Variants in SLC17A1 observed in about 807,000 individuals in gnomAD.
SLC17A1 encodes sodium-dependent phosphate transport protein 1.
In SLC17A1, 51 loss-of-function variants were observed where a neutral mutation model predicts 53.5. That is an observed-to-expected ratio of 0.95 (90% CI 0.76 to 1.20). The LOEUF (loss-of-function observed/expected upper bound fraction) is 1.20, where lower values mean the gene tolerates loss of function less well. Ranked by LOEUF, SLC17A1 falls within the 50% of genes most tolerant of loss-of-function variation. SLC17A1 has a pLI of 0.00. For synonymous variants in SLC17A1, 179 were observed against 198.8 expected, an observed-to-expected ratio of 0.90 and a Z score of 0.84; for missense variants, 538 against 568.2, an observed-to-expected ratio of 0.95 and a Z score of 0.54.
downstream of SLC17A1, chr6:25,778,926 C>T: frequency 3.3e-6 from 4 of 1,203,406 alleles, no homozygotes; most frequent in Admixed American, 8.3e-5. Flanking sequence ...CTAGGACCAA[C>T]TGGGAAGCCC....
the SLC17A1 span, chr6:25,726,855 T>G: frequency 1.9e-6 from 3 of 1,555,442 alleles, no homozygotes; most frequent in African/African-American, 2.7e-5. Flanking sequence ...CACTGGAAAG[T>G]GCTGTGTAAC....
At chr6:25,727,201 C>T in the SLC17A1 span, 5 of 1,614,178 alleles carry the variant, frequency 3.1e-6, no homozygotes, top group Non-Finnish European at 4.2e-6. Flanking sequence ...GAGATTCAGA[C>T]AGCAGTGCGC....
At chr6:25,786,596 A>T (rs1019732616) in intron 12 of SLC17A1, among the ~76,000 whole-genome samples, 2 of 151,984 alleles carry the variant, frequency 1.3e-5, no homozygotes, top group Non-Finnish European at 2.9e-5. Context: ...TGCCAAGGAG[A>T]TGGGCAGCTG....
Position 25,794,457 on chromosome 6 carries a change from A to G in SLC17A1, c.*2+4326T>C, listed in dbSNP as rs532916436. 3.4e-4 allele frequency among the ~76,000 whole-genome samples: 52 copies of G among 152,338 alleles called. No individual in the cohort carries two copies. The South Asian group carries it at 0.011, about 31-fold the overall frequency. ...TGGTTCATTACACAAGAGATTGAGA[A>G]GCCCCACTGTAAAGGAACTACCACA... is the stretch of plus-strand genomic sequence containing the variant. On this transcript the variant is annotated intron_variant, in intron 12 of 12. Coordinates refer to ENST00000244527, the MANE Select transcript of SLC17A1 (RefSeq NM_005074.5).
the SLC17A1 span, among the ~76,000 whole-genome samples, chr6:25,762,702 A>G: frequency 6.6e-6 from 1 of 152,214 alleles, no homozygotes; most frequent in Non-Finnish European, 1.5e-5. Context: ...GTTAAGAATT[A>G]TGCATATCTT....
chr6:25,751,920 C>T, the SLC17A1 span, among the ~76,000 whole-genome samples: 1 of 151,998 alleles, frequency 6.6e-6, no homozygotes, highest in Non-Finnish European at 1.5e-5. Flanking sequence ...AATGTGTAGG[C>T]CCCATTTGTT....
chr6:25,732,491 C>T, the SLC17A1 span: 1 of 386,842 alleles, frequency 2.6e-6, no homozygotes, highest in East Asian at 6.1e-5. Flanking sequence ...GCTATTCATT[C>T]AGAGAGGTTC....
chr6:25,820,674 A>T (rs1048445966), intron 3 of SLC17A1, among the ~76,000 whole-genome samples: 6 of 151,934 alleles, frequency 3.9e-5, no homozygotes, highest in Admixed American at 1.3e-4. Flanking sequence ...AGGTCAGGAG[A>T]TCGAGACCAT....
At chr6:25,735,790 A>G in the SLC17A1 span, among the ~76,000 whole-genome samples, 5,752 of 152,260 alleles carry the variant, frequency 0.038, 138 homozygotes, top group Middle Eastern at 0.075. Flanking sequence ...TGCTCTTCAG[A>G]ACAAGATTGG....
chr6:25,779,020 T>C, downstream of SLC17A1: 1 of 1,611,126 alleles, frequency 6.2e-7, no homozygotes, highest in Non-Finnish European at 8.5e-7. Flanking sequence ...AGGAATTGGG[T>C]GACCGTTAAT....
At chr6:25,766,445 T>C in the SLC17A1 span, among the ~76,000 whole-genome samples, 2,483 of 152,286 alleles carry the variant, frequency 0.016, 39 homozygotes, top group Middle Eastern at 0.037. Flanking sequence ...GCTCCTTAAG[T>C]GTGACTGGTG....
the SLC17A1 span, among the ~76,000 whole-genome samples, chr6:25,750,436 A>G: frequency 6.6e-6 from 1 of 152,222 alleles, no homozygotes. Context: ...AAAACTGTAG[A>G]CTTACTGAGT....
chr6:25,732,404 A>T, the SLC17A1 span: 1 of 270,916 alleles, frequency 3.7e-6, no homozygotes, highest in East Asian at 9.2e-5. Flanking sequence ...TACCCGTTTT[A>T]ACGGGTGTCT....
the SLC17A1 span, chr6:25,726,574 T>C: frequency 7.0e-5 from 109 of 1,568,066 alleles, no homozygotes; most frequent in Non-Finnish European, 9.0e-5. Context: ...TTTCTAGGGC[T>C]GCTACTGGGC....
chr6:25,778,779 A>C (rs1763146806), downstream of SLC17A1, among the ~76,000 whole-genome samples: 1 of 152,236 alleles, frequency 6.6e-6, no homozygotes, highest in African/African-American at 2.4e-5. Context: ...CACCGTAATC[A>C]CTTGCTTAAA....
chr6:25,762,313 A>G, the SLC17A1 span, among the ~76,000 whole-genome samples: 1 of 152,214 alleles, frequency 6.6e-6, no homozygotes. Context: ...AAATCAGAAC[A>G]GGTTCTAAGT....
chr6:25,812,738 G>A, intron 8 of SLC17A1, 93 bp downstream of exon 8: 1 of 861,706 alleles, frequency 1.2e-6, no homozygotes, highest in Non-Finnish European at 1.8e-6. Context: ...AGTGTGAGGA[G>A]CTGGCAAGAG....
intron 6 of SLC17A1, 57 bp from the exon 7 acceptor site, chr6:25,813,270 C>T: frequency 7.2e-7 from 1 of 1,379,748 alleles, no homozygotes; most frequent in Non-Finnish European, 1.0e-6. Context: ...GATCTCTTTC[C>T]CAGAATGGCA....
chr6:25,791,747 C>G (rs1368114314), intron 12 of SLC17A1, among the ~76,000 whole-genome samples: 1 of 152,206 alleles, frequency 6.6e-6, no homozygotes, highest in Non-Finnish European at 1.5e-5. Context: ...TTTTAAAGGC[C>G]TACAGGAGGT....
Sources: gnomAD v4.1 joint callset for allele counts (sites outside exome capture counted in the v4.1 genomes callset) on GRCh38, gnomAD v4.1.1 for gene constraint, MANE v1.5 for transcripts, NCBI Gene and HGNC (gene_info 2026-07-23, HGNC 2026-07-21) for gene names.